The following ARHGEF28 variants were observed in gnomAD, a reference collection of about 807,000 sequenced individuals.
ARHGEF28 encodes Rho guanine nucleotide exchange factor 28.
A neutral mutation model predicts 206.6 loss-of-function variants in ARHGEF28; 152 were observed. The ratio of observed to expected loss-of-function variants is 0.74; its 90% confidence interval spans 0.64 to 0.84. ARHGEF28 has a LOEUF of 0.84. ARHGEF28 is among the 40% of genes least tolerant of loss of function. The probability of loss-of-function intolerance (pLI) is 0.00; values close to 1 mark genes in which losing one functional copy is unlikely to be tolerated. For missense variants in ARHGEF28, 2,028 were observed against 2,073.2 expected (o/e 0.98, Z 0.42); for synonymous variants, 763 against 776.4 (o/e 0.98, Z 0.29).
At chr5:73,629,904 G>A (rs115406836) in intron 1 of ARHGEF28, among the ~76,000 whole-genome samples, 214 of 152,346 alleles carry the variant, frequency 1.4e-3, no homozygotes, top group African/African-American at 4.8e-3. Context: ...TACAAGCGAT[G>A]TTCTCTTAAG....
At chr5:73,708,224 C>T (rs1041433077) in intron 2 of ARHGEF28, among the ~76,000 whole-genome samples, 2 of 151,102 alleles carry the variant, frequency 1.3e-5, no homozygotes, top group African/African-American at 2.4e-5. Context: ...TTTAGGTTCA[C>T]GGGTTATATA....
Position 73,849,189 on chromosome 5 carries a change from T to C in ARHGEF28, c.1747+102T>C, listed in dbSNP as rs192011705. The C allele has an allele frequency of 2.2e-4, 188 of 866,570 alleles. No homozygotes were observed. The African/African-American group carries it at 2.7e-3, about 12-fold the overall frequency. The allele number at this position is 866,570 out of a possible 1,614,324, so 53.7% of individuals were successfully genotyped here. A position where few individuals can be genotyped will look rare whatever the true frequency, so the allele number is the denominator to read the frequency against. ...ATATTCAAGAACAGCAGACAAGAATTTTCCATTCTGTTTTCATAACTGGTT... is the reference window on the plus strand; with the variant it reads ...ATATTCAAGAACAGCAGACAAGAATCTTCCATTCTGTTTTCATAACTGGTT... On this transcript the variant is annotated intron_variant, in intron 13 of 35. Transcript: ENST00000513042.
At chr5:73,779,666 T>C (rs1013192329) in intron 6 of ARHGEF28, among the ~76,000 whole-genome samples, 5 of 152,080 alleles carry the variant, frequency 3.3e-5, no homozygotes, top group African/African-American at 9.7e-5. Context: ...TGGGTGCTTA[T>C]GTGGCCATCT....
chr5:73,704,616 G>A (rs192835172), intron 2 of ARHGEF28, among the ~76,000 whole-genome samples: 279 of 152,090 alleles, frequency 1.8e-3, no homozygotes, highest in African/African-American at 6.5e-3. Context: ...GTAGAAATGG[G>A]GTTTTGTCAT....
chr5:73,906,691 G>C (rs1762577883), intron 33 of ARHGEF28, among the ~76,000 whole-genome samples: 3 of 152,114 alleles, frequency 2.0e-5, no homozygotes, highest in African/African-American at 7.2e-5. Context: ...TTGCTGGAGA[G>C]CTTTGTAATT....
intron 21 of ARHGEF28, among the ~76,000 whole-genome samples, chr5:73,871,508 C>T (rs529800830): frequency 9.2e-5 from 14 of 152,244 alleles, no homozygotes; most frequent in South Asian, 4.1e-4. Context: ...CCAAAACTTG[C>T]GGTAAGTTTG....
At position 73,752,960 on chromosome 5, in the gene ARHGEF28, G is replaced by T. The variant is rs774639324; in HGVS notation, c.233G>T (p.Gly78Val). The T allele has an allele frequency of 6.2e-7, 1 of 1,613,850 alleles. No individual in the cohort carries two copies. Among genetic ancestry groups the T allele is most frequent in the Non-Finnish European group, 8.5e-7 (1 of 1,179,844 alleles). Residue 78 changes from glycine (G) to valine (V), a missense_variant, in exon 4 of 36, where the codon GGT becomes GTT. Gly to Val is a moderately radical substitution (Grantham distance 109). This residue lies in a region of ARHGEF28 where 1,002 missense variants were observed against 1,015.3 expected (regional missense o/e 0.99). Coordinates refer to ENST00000513042, the MANE Select transcript of ARHGEF28 (RefSeq NM_001177693.2). ...VTVSVCLCSE[G>V]YSPVTMGSGS... ...GTATCTGTGTGCCTCTGCTCGGAAG[G>T]TTACTCTCCGGTGACCATGGGCTCT...
In ARHGEF28 at chr5:73,635,524, A is replaced by G. The variant is rs1297896469; in HGVS notation, c.-12+9202A>G. ...ACTTTGGTTGTTTCTATAAACTGTG[A>G]TGATTTCTTTAGGTAGTGATTTCAT... On this transcript the variant is annotated intron_variant, in intron 1 of 35. Transcript: ENST00000513042. Among the ~76,000 whole-genome samples, 10 of 152,274 alleles carry G rather than the reference A, an allele frequency of 6.6e-5. 1 individual carries two copies. The South Asian group carries it at 1.9e-3, about 28-fold the overall frequency.
intron 35 of ARHGEF28, among the ~76,000 whole-genome samples, chr5:73,930,299 G>C (rs943190457): frequency 1.3e-5 from 2 of 152,102 alleles, no homozygotes; most frequent in African/African-American, 2.4e-5. Context: ...CCATATGCTG[G>C]GCATGAAATG....
intron 20 of ARHGEF28, 127 bp from the exon 21 acceptor site, chr5:73,869,942 T>G: frequency 9.1e-7 from 1 of 1,098,612 alleles, no homozygotes; most frequent in Non-Finnish European, 1.3e-6. Flanking sequence ...GTTAATATGT[T>G]TTGGTTTAGT....
intron 1 of ARHGEF28, among the ~76,000 whole-genome samples, chr5:73,649,679 T>G (rs1744671850): frequency 6.6e-6 from 1 of 152,244 alleles, no homozygotes; most frequent in Admixed American, 6.5e-5. Flanking sequence ...TTCTGTTGTA[T>G]GTTGCCACTT....
chr5:73,661,549 A>G (rs1745598630), intron 1 of ARHGEF28, among the ~76,000 whole-genome samples: 1 of 152,188 alleles, frequency 6.6e-6, no homozygotes, highest in East Asian at 1.9e-4. Flanking sequence ...TGCCTTTCTC[A>G]CTAAGCTCAA....
At chr5:73,900,037 C>G (rs1762171253) in intron 30 of ARHGEF28, 1 of 152,140 alleles carries the variant, frequency 6.6e-6, no homozygotes, top group Non-Finnish European at 1.5e-5. Context: ...GACAGAGAAA[C>G]CTATAAAATG....
chr5:73,645,104 C>T (rs1225565327), intron 1 of ARHGEF28, among the ~76,000 whole-genome samples: 1 of 152,124 alleles, frequency 6.6e-6, no homozygotes, highest in East Asian at 1.9e-4. Flanking sequence ...TTTTAAATAT[C>T]TGGAAATTGG....
intron 35 of ARHGEF28, among the ~76,000 whole-genome samples, chr5:73,938,573 G>A (rs1742348179): frequency 1.3e-5 from 2 of 152,136 alleles, no homozygotes; most frequent in Admixed American, 1.3e-4. Flanking sequence ...GACTGTTGTG[G>A]CTTTGGTGAC....
intron 1 of ARHGEF28, among the ~76,000 whole-genome samples, chr5:73,650,713 A>G (rs1415372738): frequency 6.6e-6 from 1 of 150,802 alleles, no homozygotes; most frequent in Non-Finnish European, 1.5e-5. Context: ...CAGTGGTGCA[A>G]TCTCGGCTCA....
At position 73,764,910 on chromosome 5, in the gene ARHGEF28, T is replaced by C. The variant is rs111310795; in HGVS notation, c.476-8945T>C. On this transcript the variant is annotated intron_variant, in intron 4 of 35. Coordinates refer to ENST00000513042, the MANE Select transcript of ARHGEF28 (RefSeq NM_001177693.2). The stretch of plus-strand genomic sequence containing the variant: ...GGCACAACCCTTTTCTCATTCTTAT[T>C]GAGAATCCTGAAAACATCTTAAAGA... 6.7e-4 allele frequency among the ~76,000 whole-genome samples: 102 copies of C among 152,342 alleles called. 2 individuals carry two copies. The highest frequency in any genetic ancestry group is 2.3e-3 in the African/African-American group (97 of 41,574).
chr5:73,699,401 G>C (rs917260914), intron 2 of ARHGEF28, among the ~76,000 whole-genome samples: 1 of 152,114 alleles, frequency 6.6e-6, no homozygotes, highest in African/African-American at 2.4e-5. Context: ...GAAAGAGAGC[G>C]GGGGGAGGGG....
intron 27 of ARHGEF28, among the ~76,000 whole-genome samples, chr5:73,892,961 C>G (rs1356176438): frequency 1.3e-5 from 2 of 152,136 alleles, no homozygotes; most frequent in Non-Finnish European, 1.5e-5. Context: ...TTTGTGTTCA[C>G]TGGAATATTT....
Sources: gnomAD v4.1 joint callset for allele counts (sites outside exome capture counted in the v4.1 genomes callset) on GRCh38, gnomAD v4.1.1 for gene constraint, gnomAD v4.1.1 regional missense constraint, MANE v1.5 for transcripts, NCBI Gene and HGNC (gene_info 2026-07-23, HGNC 2026-07-21) for gene names.